The following ENTREP2 variants were observed in gnomAD, a reference collection of about 807,000 sequenced individuals.
The protein encoded by ENTREP2 is endosomal transmembrane epsin interactor 2.
the ENTREP2 span, among the ~76,000 whole-genome samples, chr15:29,180,865 T>C: frequency 6.6e-6 from 1 of 151,570 alleles, no homozygotes; most frequent in Non-Finnish European, 1.5e-5. Flanking sequence ...TTTGCCTGCT[T>C]ATATGAGGAA....
At chr15:29,294,854 C>T in the ENTREP2 span, among the ~76,000 whole-genome samples, 1 of 152,174 alleles carries the variant, frequency 6.6e-6, no homozygotes, top group African/African-American at 2.4e-5. Flanking sequence ...GTCAAGGTGT[C>T]TGAGGAACAA....
the ENTREP2 span, among the ~76,000 whole-genome samples, chr15:29,273,543 G>A: frequency 4.6e-5 from 7 of 152,096 alleles, no homozygotes; most frequent in Non-Finnish European, 8.8e-5. Context: ...AATGTGGAGT[G>A]TCAACTTGAT....
the ENTREP2 span, chr15:29,269,733 C>A: frequency 6.8e-7 from 1 of 1,463,984 alleles, no homozygotes; most frequent in Non-Finnish European, 9.0e-7. Flanking sequence ...CCGGCGCACA[C>A]TCCGGTAGGC....
At chr15:29,324,347 G>A in the ENTREP2 span, among the ~76,000 whole-genome samples, 20 of 152,262 alleles carry the variant, frequency 1.3e-4, no homozygotes, top group East Asian at 3.9e-3. Context: ...CTCCCAAAGT[G>A]CTAGGATTAC....
At chr15:29,635,705 C>A in the ENTREP2 span, among the ~76,000 whole-genome samples, 3 of 152,178 alleles carry the variant, frequency 2.0e-5, no homozygotes, top group Admixed American at 6.5e-5. Context: ...CCCAGCCATG[C>A]GCTGTTGATG....
chr15:29,229,389 T>G, the ENTREP2 span, among the ~76,000 whole-genome samples: 1 of 152,140 alleles, frequency 6.6e-6, no homozygotes, highest in African/African-American at 2.4e-5. Context: ...TGCTCAGTTT[T>G]GAACCTACCA....
chr15:29,657,475 T>TGGGGGGTC, the ENTREP2 span, among the ~76,000 whole-genome samples: 5 of 3,804 alleles, frequency 1.3e-3, no homozygotes, highest in African/African-American at 6.4e-3. Flanking sequence ...CGCTGTCGGC[T>TGGGGGGTC]GGGGGGGCGG....
chr15:29,643,031 A>G, the ENTREP2 span, among the ~76,000 whole-genome samples: 1 of 152,244 alleles, frequency 6.6e-6, no homozygotes, highest in Non-Finnish European at 1.5e-5. Context: ...AACGAATTAA[A>G]GACCTAAACG....
the ENTREP2 span, among the ~76,000 whole-genome samples, chr15:29,328,056 T>C: frequency 6.6e-6 from 1 of 152,204 alleles, no homozygotes; most frequent in Admixed American, 6.5e-5. Flanking sequence ...GGTGAATGGA[T>C]AAACAAACTG....
chr15:29,513,758 G>A, the ENTREP2 span, among the ~76,000 whole-genome samples: 2 of 152,174 alleles, frequency 1.3e-5, no homozygotes. Context: ...TCATGGACAC[G>A]CTAAGGAGGC....
At chr15:29,474,560 T>G in the ENTREP2 span, among the ~76,000 whole-genome samples, 1 of 151,348 alleles carries the variant, frequency 6.6e-6, no homozygotes, top group Non-Finnish European at 1.5e-5. Flanking sequence ...TGTTGTTGTT[T>G]TTTTTTCCTT....
the ENTREP2 span, among the ~76,000 whole-genome samples, chr15:29,471,021 C>T: frequency 0.51 from 76,859 of 151,924 alleles, 20,530 homozygotes; most frequent in African/African-American, 0.7. Context: ...GCATTGGAAT[C>T]ACTCCACATT....
the ENTREP2 span, chr15:29,234,846 A>G: frequency 1.4e-6 from 2 of 1,417,534 alleles, no homozygotes; most frequent in Non-Finnish European, 2.0e-6. Context: ...TTTGCATTAG[A>G]TATGTTTGCT....
At chr15:29,674,622 C>A in the ENTREP2 span, among the ~76,000 whole-genome samples, 4 of 152,012 alleles carry the variant, frequency 2.6e-5, no homozygotes, top group African/African-American at 9.7e-5. Context: ...GTGAGACCAG[C>A]CGCCTGAGGG....
chr15:29,570,506 G>A, the ENTREP2 span: 2 of 1,362,284 alleles, frequency 1.5e-6, no homozygotes, highest in African/African-American at 1.5e-5. Flanking sequence ...GACACTCACC[G>A]AGAAGCCTGC....
At chr15:29,394,276 A>G in the ENTREP2 span, among the ~76,000 whole-genome samples, 1 of 152,168 alleles carries the variant, frequency 6.6e-6, no homozygotes, top group Non-Finnish European at 1.5e-5. Context: ...TTGAAGGTTG[A>G]CAAAATGATT....
the ENTREP2 span, among the ~76,000 whole-genome samples, chr15:29,261,320 G>A: frequency 6.6e-6 from 1 of 152,204 alleles, no homozygotes; most frequent in South Asian, 2.1e-4. Context: ...GGAGGCTGCC[G>A]TGAGCTATGA....
the ENTREP2 span, among the ~76,000 whole-genome samples, chr15:29,649,472 G>A: frequency 6.6e-6 from 1 of 152,136 alleles, no homozygotes; most frequent in African/African-American, 2.4e-5. Context: ...CATAATCTCA[G>A]CACCTTGAGA....
chr15:29,286,029 T>A, the ENTREP2 span, among the ~76,000 whole-genome samples: 17 of 152,150 alleles, frequency 1.1e-4, no homozygotes, highest in Admixed American at 1.0e-3. Context: ...AAAACAAAAT[T>A]TAGCAGGCTA....
Sources: allele counts gnomAD v4.1 joint callset (sites outside exome capture counted in the v4.1 genomes callset), GRCh38; gene constraint gnomAD v4.1.1; transcripts MANE v1.5; gene names NCBI Gene and HGNC (gene_info 2026-07-23, HGNC 2026-07-21).